LRP1B: variants seen among roughly 807,000 people sequenced by gnomAD.
LRP1B encodes low-density lipoprotein receptor-related protein 1B.
Under a neutral mutation model 556.6 loss-of-function variants are expected in LRP1B, and 217 were observed. That is an observed-to-expected ratio of 0.39 (90% CI 0.35 to 0.44). LRP1B has a LOEUF of 0.44. Ranked by LOEUF, LRP1B falls within the 20% of genes least tolerant of loss-of-function variation. The pLI is 1.00. For synonymous variants in LRP1B, 2,047 were observed against 1,865.8 expected (o/e 1.10, Z -2.50); for missense variants, 5,053 against 5,620.8 (o/e 0.90, Z 3.23).
chr2:140,459,843 G>A (rs1236182484), intron 60 of LRP1B, among the ~76,000 whole-genome samples: 1 of 151,902 alleles, frequency 6.6e-6, no homozygotes, highest in African/African-American at 2.4e-5. Context: ...GAGTTCTCAC[G>A]AGATAAGTGT....
intron 5 of LRP1B, among the ~76,000 whole-genome samples, chr2:141,232,918 A>G (rs1372885697): frequency 6.6e-6 from 1 of 152,194 alleles, no homozygotes; most frequent in Non-Finnish European, 1.5e-5. Context: ...TAAGGATCCA[A>G]TTCTTTCAGT....
At chr2:140,286,677 C>T (rs949583521) in intron 84 of LRP1B, among the ~76,000 whole-genome samples, 1 of 151,816 alleles carries the variant, frequency 6.6e-6, no homozygotes, top group African/African-American at 2.4e-5. Flanking sequence ...TGCAAAAGTT[C>T]ATTCTAAATT....
intron 2 of LRP1B, among the ~76,000 whole-genome samples, chr2:141,777,666 C>T (rs1023603528): frequency 3.3e-5 from 5 of 152,046 alleles, no homozygotes; most frequent in African/African-American, 9.7e-5. Context: ...CCACCCATCT[C>T]GGCCTCCCAA....
chr2:140,248,867 A>G lies in LRP1B; in HGVS notation c.13248-1705T>C, dbSNP rs572147770. Among the ~76,000 whole-genome samples, 32 of 151,514 alleles carry G rather than the reference A, an allele frequency of 2.1e-4. 1 individual carries two copies. The East Asian group carries it at 6.2e-3, about 30-fold the overall frequency. On this transcript the variant is annotated intron_variant, in intron 86 of 90. Transcript: ENST00000389484. Reference sequence around the variant, plus strand: ...TGTGTTATGTAGCTTTACATCTGCCAAATTTTTCTAATTTACCCCCGAGAA... The same window carrying G: ...TGTGTTATGTAGCTTTACATCTGCCGAATTTTTCTAATTTACCCCCGAGAA...
intron 41 of LRP1B, among the ~76,000 whole-genome samples, chr2:140,639,336 T>A (rs1001270172): frequency 1.3e-5 from 2 of 152,220 alleles, no homozygotes; most frequent in South Asian, 4.1e-4. Context: ...TGAACATTCT[T>A]GAGACACTAC....
At chr2:140,454,595 T>C (rs1255845719) in intron 62 of LRP1B, among the ~76,000 whole-genome samples, 2 of 152,182 alleles carry the variant, frequency 1.3e-5, no homozygotes, top group Admixed American at 1.3e-4. Context: ...AAATTCGTGA[T>C]AGACTATTGG....
intron 1 of LRP1B, among the ~76,000 whole-genome samples, chr2:141,887,239 G>T (rs527275080): frequency 4.6e-5 from 7 of 151,950 alleles, no homozygotes; most frequent in African/African-American, 7.2e-5. Flanking sequence ...CAAATGATCC[G>T]CCAGCCTTGG....
intron 1 of LRP1B, among the ~76,000 whole-genome samples, chr2:142,089,405 G>T (rs1443756953): frequency 6.6e-6 from 1 of 152,170 alleles, no homozygotes; most frequent in Non-Finnish European, 1.5e-5. Flanking sequence ...AGAAGCAAAA[G>T]ATTATTAAAT....
rs34597866 is a variant in LRP1B, at chr2:140,375,173, ATGTGTGTGTG to A, written c.10639-2046_10639-2037del. Among the ~76,000 whole-genome samples, 259 of 144,206 alleles carry A rather than the reference ATGTGTGTGTG, an allele frequency of 1.8e-3. 2 individuals are homozygous for A. The highest frequency in any genetic ancestry group is 6.1e-3 in the African/African-American group (240 of 39,588). The allele number at this position is 144,206 out of a possible 152,430, so 94.6% of individuals were successfully genotyped here. A position where few individuals can be genotyped will look rare whatever the true frequency, so the allele number is the denominator to read the frequency against. On this transcript the variant is annotated intron_variant, in intron 68 of 90. Transcript: ENST00000389484. The stretch of plus-strand genomic sequence containing the variant: ...ACTCATTGATTTTTATACTGTGTGT[ATGTGTGTGTG>A]TGTGTGTGTGTGTGTGTGTGTGTGT...
chr2:140,816,386 G>A (rs1223787485), intron 31 of LRP1B, among the ~76,000 whole-genome samples: 1 of 152,010 alleles, frequency 6.6e-6, no homozygotes, highest in Admixed American at 6.6e-5. Flanking sequence ...AAACTGCTGG[G>A]ATTACAGGCA....
At chr2:140,621,877 C>A (rs980884912) in intron 41 of LRP1B, among the ~76,000 whole-genome samples, 5 of 152,306 alleles carry the variant, frequency 3.3e-5, no homozygotes, top group Non-Finnish European at 7.4e-5. Context: ...CTTCATCTGA[C>A]TTTCCTGGAG....
chr2:141,116,659 G>T (rs939068921), intron 7 of LRP1B, among the ~76,000 whole-genome samples: 4 of 151,936 alleles, frequency 2.6e-5, no homozygotes, highest in Non-Finnish European at 5.9e-5. Context: ...TTTTATAATA[G>T]AAAAAATTGA....
chr2:141,685,305 G>T (rs968345517), intron 2 of LRP1B, among the ~76,000 whole-genome samples: 1 of 152,050 alleles, frequency 6.6e-6, no homozygotes, highest in East Asian at 1.9e-4. Flanking sequence ...TGATTTAGAT[G>T]ATTATATTTG....
intron 1 of LRP1B, among the ~76,000 whole-genome samples, chr2:141,864,042 A>C (rs1031589061): frequency 6.6e-6 from 1 of 152,180 alleles, no homozygotes; most frequent in Admixed American, 6.5e-5. Context: ...GTAAACAAGG[A>C]AACAGTTACA....
intron 7 of LRP1B, among the ~76,000 whole-genome samples, chr2:141,132,555 G>A (rs1421111290): frequency 2.0e-5 from 3 of 151,698 alleles, no homozygotes; most frequent in Non-Finnish European, 4.4e-5. Context: ...TTCTTTTATG[G>A]CAACAAAACA....
chr2:141,100,854 A>C (rs557011264), intron 7 of LRP1B, among the ~76,000 whole-genome samples: 1 of 152,184 alleles, frequency 6.6e-6, no homozygotes, highest in Admixed American at 6.6e-5. Flanking sequence ...TAAGGCTTCC[A>C]TGATATAGTA....
intron 34 of LRP1B, among the ~76,000 whole-genome samples, chr2:140,770,351 A>T (rs1324483678): frequency 6.6e-6 from 1 of 152,018 alleles, no homozygotes; most frequent in African/African-American, 2.4e-5. Flanking sequence ...TATGATCATT[A>T]GATATAAAAG....
At chr2:141,728,508 G>T (rs140889501) in intron 2 of LRP1B, among the ~76,000 whole-genome samples, 68 of 152,162 alleles carry the variant, frequency 4.5e-4, no homozygotes, top group East Asian at 4.3e-3. Context: ...AGAATAAAAT[G>T]CAAGTTAAGC....
At chr2:140,348,600 G>A (rs1681803275) in intron 77 of LRP1B, among the ~76,000 whole-genome samples, 1 of 151,908 alleles carries the variant, frequency 6.6e-6, no homozygotes, top group African/African-American at 2.4e-5. Context: ...CAGGAAGTCT[G>A]GATGATATAA....
Sources: allele counts gnomAD v4.1 joint callset (sites outside exome capture counted in the v4.1 genomes callset), GRCh38; gene constraint gnomAD v4.1.1; transcripts MANE v1.5; gene names NCBI Gene and HGNC (gene_info 2026-07-23, HGNC 2026-07-21).